Variants in OPCML observed in about 807,000 individuals in gnomAD.
OPCML encodes the protein opioid binding protein/cell adhesion molecule like.
Under a neutral mutation model 37.8 loss-of-function variants are expected in OPCML, and 13 were observed. That is an observed-to-expected ratio of 0.34 (90% confidence interval 0.22 to 0.55). OPCML has a LOEUF of 0.55. Ranked by LOEUF, OPCML falls within the 20% of genes least tolerant of loss-of-function variation. The pLI is 0.91. For missense variants in OPCML, 341 were observed against 435.6 expected, an observed-to-expected ratio of 0.78 and a Z score of 1.93; for synonymous variants, 176 against 168.8, an observed-to-expected ratio of 1.04 and a Z score of -0.33.
intron 2 of OPCML, among the ~76,000 whole-genome samples, chr11:132,821,375 T>A (rs1939977001): frequency 1.3e-5 from 2 of 152,098 alleles, no homozygotes; most frequent in Admixed American, 6.5e-5. Context: ...ATCCATGCCT[T>A]CCCCAGCTGC....
intron 1 of OPCML, among the ~76,000 whole-genome samples, chr11:133,305,281 C>G (rs951179740): frequency 6.6e-6 from 1 of 152,272 alleles, no homozygotes; most frequent in Non-Finnish European, 1.5e-5. Context: ...GGGCTTCCCC[C>G]CTGTACCCCT....
chr11:133,329,217 A>G (rs1361646105), intron 1 of OPCML, among the ~76,000 whole-genome samples: 4 of 152,228 alleles, frequency 2.6e-5, no homozygotes, highest in Non-Finnish European at 4.4e-5. Flanking sequence ...TTCCACGCTC[A>G]TGGGTAGGGA....
intron 7 of OPCML, among the ~76,000 whole-genome samples, chr11:132,430,555 A>G (rs1176005612): frequency 1.3e-5 from 2 of 152,170 alleles, no homozygotes; most frequent in Non-Finnish European, 2.9e-5. Context: ...CTGCTCCAAG[A>G]GGGCTCAGGC....
At chr11:133,152,876 T>G (rs1392227072) in intron 1 of OPCML, among the ~76,000 whole-genome samples, 5 of 56,500 alleles carry the variant, frequency 8.8e-5, no homozygotes, top group African/African-American at 2.3e-4. Context: ...CAGGTTATCC[T>G]TTTTTTTTTT....
At chr11:132,953,696 C>T (rs1447322418) in intron 1 of OPCML, among the ~76,000 whole-genome samples, 2 of 152,120 alleles carry the variant, frequency 1.3e-5, no homozygotes, top group South Asian at 2.1e-4. Context: ...CCTTCCTCCC[C>T]AGAGAACCCA....
intron 1 of OPCML, among the ~76,000 whole-genome samples, chr11:133,519,647 C>G (rs1026590189): frequency 2.0e-5 from 3 of 152,212 alleles, no homozygotes; most frequent in Non-Finnish European, 2.9e-5. Context: ...TGTTTCTGCT[C>G]TTCAGCCACA....
intron 1 of OPCML, among the ~76,000 whole-genome samples, chr11:133,328,072 T>C (rs1193733994): frequency 6.6e-6 from 1 of 152,174 alleles, no homozygotes; most frequent in Non-Finnish European, 1.5e-5. Flanking sequence ...AACTGAAAAC[T>C]AGCTAGGTGA....
At chr11:133,092,056 T>C (rs1258636604) in intron 1 of OPCML, among the ~76,000 whole-genome samples, 2 of 152,140 alleles carry the variant, frequency 1.3e-5, no homozygotes, top group African/African-American at 4.8e-5. Flanking sequence ...GCAGCCCTCA[T>C]GAATGAGATT....
intron 1 of OPCML, among the ~76,000 whole-genome samples, chr11:133,310,857 C>T (rs535436154): frequency 6.6e-6 from 1 of 152,248 alleles, no homozygotes; most frequent in African/African-American, 2.4e-5. Flanking sequence ...GGTAACACTG[C>T]GTGCTATGCA....
At chr11:132,951,511 T>C (rs1361456237) in intron 1 of OPCML, among the ~76,000 whole-genome samples, 2 of 152,218 alleles carry the variant, frequency 1.3e-5, no homozygotes, top group South Asian at 2.1e-4. Flanking sequence ...TAGAGTCACA[T>C]TGGTGCTCAG....
chr11:132,938,876 A>C (rs948187269), intron 2 of OPCML, among the ~76,000 whole-genome samples: 25 of 152,204 alleles, frequency 1.6e-4, no homozygotes, highest in African/African-American at 6.0e-4. Flanking sequence ...CATTAGAAAT[A>C]CTGGAAAAGA....
chr11:132,999,636 C>T (rs1299898640), intron 1 of OPCML, among the ~76,000 whole-genome samples: 2 of 151,856 alleles, frequency 1.3e-5, no homozygotes, highest in Non-Finnish European at 2.9e-5. Context: ...TTTCTTGTAG[C>T]TCTGCGTGCT....
intron 2 of OPCML, among the ~76,000 whole-genome samples, chr11:132,916,352 GC>G (rs1944604142): frequency 6.6e-6 from 1 of 152,012 alleles, no homozygotes; most frequent in Non-Finnish European, 1.5e-5. Context: ...GGGTTCCATG[GC>G]CTAGTCAAGC....
At chr11:132,959,283 C>G (rs1028398914) in intron 1 of OPCML, among the ~76,000 whole-genome samples, 1 of 152,148 alleles carries the variant, frequency 6.6e-6, no homozygotes, top group African/African-American at 2.4e-5. Context: ...ATGTGACAGT[C>G]TCACAATAAA....
chr11:132,853,261 T>C (rs1188831813), intron 2 of OPCML, among the ~76,000 whole-genome samples: 1 of 152,192 alleles, frequency 6.6e-6, no homozygotes, highest in African/African-American at 2.4e-5. Flanking sequence ...GACGGCTTTC[T>C]AATATTTAAA....
At chr11:133,170,072 G>A (rs1306071645) in intron 1 of OPCML, among the ~76,000 whole-genome samples, 1 of 152,194 alleles carries the variant, frequency 6.6e-6, no homozygotes, top group Non-Finnish European at 1.5e-5. Context: ...CAATGAATAT[G>A]CACTGTGAAC....
intron 1 of OPCML, among the ~76,000 whole-genome samples, chr11:133,012,735 C>T (rs1366303573): frequency 3.3e-5 from 5 of 151,884 alleles, no homozygotes; most frequent in South Asian, 2.1e-4. Flanking sequence ...ATTAGACGGG[C>T]ATGGTGGCAC....
At position 132,569,482 on chromosome 11, in the gene OPCML, A is replaced by T. The variant is rs148357612; in HGVS notation, c.380-40296T>A. 3.4e-3 allele frequency among the ~76,000 whole-genome samples: 519 copies of T among 152,326 alleles called. 1 individual carries two copies. Among genetic ancestry groups the T allele is most frequent in the Middle Eastern group, 0.024 (7 of 292 alleles). On this transcript the variant is annotated intron_variant, in intron 3 of 7. Transcript: ENST00000524381. ...CACTTGTGTCACTTACATAACAGAG[A>T]GGCATCCTTGAAGAAAGATATAGAG...
chr11:132,917,553 C>T (rs1314268118), intron 2 of OPCML, among the ~76,000 whole-genome samples: 2 of 152,142 alleles, frequency 1.3e-5, no homozygotes, highest in Admixed American at 1.3e-4. Context: ...GATGCTTCTT[C>T]CTGGGAATTG....
Sources: gnomAD v4.1 joint callset for allele counts (sites outside exome capture counted in the v4.1 genomes callset) on GRCh38, gnomAD v4.1.1 for gene constraint, MANE v1.5 for transcripts, NCBI Gene and HGNC (gene_info 2026-07-23, HGNC 2026-07-21) for gene names.